Variants in RBMS2 observed in about 807,000 individuals in gnomAD.
The protein encoded by RBMS2 is RNA binding motif single stranded interacting protein 2.
Under a neutral mutation model 58.4 loss-of-function variants are expected in RBMS2, and 38 were observed. The observed-to-expected ratio is 0.65, with a 90% CI of 0.50 to 0.85. RBMS2 has a LOEUF of 0.85. Ranked by LOEUF, RBMS2 falls within the 40% of genes least tolerant of loss-of-function variation. The pLI, the probability that RBMS2 is intolerant of heterozygous loss-of-function variation, is 0.00. For synonymous variants in RBMS2, 151 were observed against 180.7 expected (o/e 0.84, Z 1.32); for missense variants, 367 against 503.7 (o/e 0.73, Z 2.60).
chr12:56,579,877 T>C (rs1313103815), intron 5 of RBMS2, among the ~76,000 whole-genome samples: 1 of 152,140 alleles, frequency 6.6e-6, no homozygotes, highest in Non-Finnish European at 1.5e-5. Flanking sequence ...ATGGATGTTA[T>C]CTCTAAAGCA....
chr12:56,556,145 G>A (rs994537531), intron 1 of RBMS2, among the ~76,000 whole-genome samples: 4 of 151,878 alleles, frequency 2.6e-5, no homozygotes, highest in African/African-American at 4.8e-5. Context: ...GCTCACTCAG[G>A]CCTGTAATCC....
chr12:56,587,035 G>C, intron 10 of RBMS2, 109 bp downstream of exon 10: 1 of 1,138,624 alleles, frequency 8.8e-7, no homozygotes, highest in East Asian at 2.5e-5. Flanking sequence ...GGAGGCCAAG[G>C]CAGGCAAATC....
At chr12:56,577,456 AATTATT>A (rs138810999) in intron 5 of RBMS2, among the ~76,000 whole-genome samples, 11,388 of 145,636 alleles carry the variant, frequency 0.078, 606 homozygotes, top group African/African-American at 0.14. Context: ...GTTCATACAA[AATTATT>A]ATTATTATTA....
chr12:56,553,462 A>G (rs10876908), intron 1 of RBMS2, among the ~76,000 whole-genome samples: 143,598 of 152,134 alleles, frequency 0.94, 68,145 homozygotes, highest in East Asian at 1. Flanking sequence ...CCCAGTACTA[A>G]GATTATAGGC....
At chr12:56,548,667 C>T (rs1451724020) in intron 1 of RBMS2, among the ~76,000 whole-genome samples, 2 of 152,162 alleles carry the variant, frequency 1.3e-5, no homozygotes, top group Non-Finnish European at 2.9e-5. Flanking sequence ...TATTGTGGAT[C>T]ATCCACATTC....
chr12:56,552,124 T>G (rs1476983182), intron 1 of RBMS2, among the ~76,000 whole-genome samples: 1 of 152,210 alleles, frequency 6.6e-6, no homozygotes, highest in African/African-American at 2.4e-5. Flanking sequence ...GTATGATTTA[T>G]TAACTAAAAG....
At chr12:56,581,808 T>C in intron 7 of RBMS2, 25 bp from the exon 8 acceptor site, 1 of 1,613,836 alleles carries the variant, frequency 6.2e-7, no homozygotes, top group Non-Finnish European at 8.5e-7. Context: ...GCTCACAATG[T>C]GAACACTGTG....
intron 4 of RBMS2, 47 bp downstream of exon 4, chr12:56,570,037 G>A: frequency 2.0e-6 from 3 of 1,530,284 alleles, no homozygotes; most frequent in Non-Finnish European, 2.7e-6. Flanking sequence ...TTTGTGGTTA[G>A]CACCAAAGTT....
At chr12:56,581,738 G>A in intron 7 of RBMS2, 95 bp from the exon 8 acceptor site, 2 of 1,468,878 alleles carry the variant, frequency 1.4e-6, no homozygotes, top group South Asian at 1.2e-5. Context: ...GCTTTAATTT[G>A]TTAAACCAAA....
intron 1 of RBMS2, among the ~76,000 whole-genome samples, chr12:56,535,839 C>T (rs1002139793): frequency 7.2e-5 from 11 of 152,066 alleles, no homozygotes; most frequent in East Asian, 1.9e-4. Flanking sequence ...TAATGGCATA[C>T]TACTAGTATC....
intron 5 of RBMS2, chr12:56,572,845 G>A: frequency 4.1e-6 from 4 of 984,418 alleles, no homozygotes; most frequent in Non-Finnish European, 4.8e-6. Flanking sequence ...ATCAGAGCTT[G>A]TGAGCCTTGG....
chr12:56,588,441 C>T (rs1454183973), intron 12 of RBMS2, 67 bp downstream of exon 12: 1 of 1,363,918 alleles, frequency 7.3e-7, no homozygotes, highest in Non-Finnish European at 1.0e-6. Flanking sequence ...TCCCCCTGAT[C>T]AAGATCTTTC....
At chr12:56,553,910 C>T (rs1310745219) in intron 1 of RBMS2, among the ~76,000 whole-genome samples, 4 of 151,608 alleles carry the variant, frequency 2.6e-5, no homozygotes, top group Non-Finnish European at 5.9e-5. Context: ...CTGCAGCCTC[C>T]GCCTCCTGGC....
chr12:56,581,394 G>C lies in RBMS2; in HGVS notation c.623-5G>C. On this transcript the variant is annotated splice_region_variant and splice_polypyrimidine_tract_variant and intron_variant, in intron 6 of 13. Coordinates refer to ENST00000262031, the MANE Select transcript of RBMS2 (RefSeq NM_002898.4). ...CAGCTGCCCATCTGCCTTCTCTCTC[G>C]GCAGCCCCATCCGATCCCTTGCTTT... The C allele has an allele frequency of 6.2e-7, 1 of 1,614,026 alleles. No individual in the cohort carries two copies. The highest frequency in any genetic ancestry group is 8.5e-7 in the Non-Finnish European group (1 of 1,179,962).
At position 56,589,498 on chromosome 12, in the gene RBMS2, A is replaced by G. The variant is rs1440682680; in HGVS notation, c.*365A>G. On this transcript the variant is annotated 3_prime_UTR_variant, in exon 14 of 14. Transcript: ENST00000262031. ...TCTCATCTATATGAAAAAGTTTTCG[A>G]TGTATTGGAATTATTTGGGAATGCT... The G allele has an allele frequency of 4.3e-6, 1 of 234,176 alleles. No individual in the cohort carries two copies. The allele number at this position is 234,176 out of a possible 1,614,324, so 14.5% of individuals were successfully genotyped here. A position where few individuals can be genotyped will look rare whatever the true frequency, so the allele number is the denominator to read the frequency against.
chr12:56,531,398 G>A (rs1321416877), intron 1 of RBMS2, among the ~76,000 whole-genome samples: 1 of 152,090 alleles, frequency 6.6e-6, no homozygotes, highest in East Asian at 1.9e-4. Context: ...GAAATACGGA[G>A]TTAGATAGAT....
At chr12:56,588,742 G>T (rs887057682) in intron 12 of RBMS2, 190 bp from the exon 13 acceptor site, 1 of 633,738 alleles carries the variant, frequency 1.6e-6, no homozygotes, top group Admixed American at 2.8e-5. Flanking sequence ...TGACTAATGC[G>T]TCTTGGGAAG....
At chr12:56,543,084 G>A (rs2136308727) in intron 1 of RBMS2, among the ~76,000 whole-genome samples, 1 of 152,162 alleles carries the variant, frequency 6.6e-6, no homozygotes, top group South Asian at 2.1e-4. Context: ...GTGTTTCCCA[G>A]GCTGGTCTCA....
At chr12:56,538,809 A>G (rs1875508584) in intron 1 of RBMS2, among the ~76,000 whole-genome samples, 1 of 151,952 alleles carries the variant, frequency 6.6e-6, no homozygotes, top group African/African-American at 2.4e-5. Context: ...AATGCTTCCA[A>G]TCCATGAGCA....
Sources: gnomAD v4.1 joint callset for allele counts (sites outside exome capture counted in the v4.1 genomes callset) on GRCh38, gnomAD v4.1.1 for gene constraint, MANE v1.5 for transcripts, NCBI Gene and HGNC (gene_info 2026-07-23, HGNC 2026-07-21) for gene names.